Variants in TMCC2 observed in about 807,000 individuals in gnomAD.
TMCC2 encodes transmembrane and coiled-coil domains protein 2.
TMCC2 carries 16 observed loss-of-function variants against 49.4 expected under a neutral mutation model. The ratio of observed to expected loss-of-function variants is 0.32; its 90% CI spans 0.22 to 0.49. The LOEUF (loss-of-function observed/expected upper bound fraction) is 0.49. Ranked by LOEUF, TMCC2 falls within the 20% of genes least tolerant of loss-of-function variation. The pLI is 0.99. For synonymous variants in TMCC2, 397 were observed against 434.1 expected (o/e 0.91, Z 1.06); for missense variants, 762 against 989.8 (o/e 0.77, Z 3.09).
At position 205,228,594 on chromosome 1, in the gene TMCC2, G is replaced by A; in HGVS notation, c.30G>A (p.Gln10=). MKRCRSDEL[Q]QQQGEEDGAG... is the part of the protein sequence containing the mutation. ...AGAGGTGCAGATCGGACGAGCTGCA[G>A]CAACAACAGGGCGAGGAGGATGGAG... Residue 10 remains glutamine, a synonymous_variant, in exon 1 of 5, where the codon CAG becomes CAA. Coordinates refer to ENST00000358024, the MANE Select transcript of TMCC2 (RefSeq NM_014858.4). 6.2e-7 allele frequency: 1 copy of A among 1,611,874 alleles called. No homozygotes were observed. Among genetic ancestry groups the A allele is most frequent in the South Asian group, 1.1e-5 (1 of 91,010 alleles).
chr1:205,230,999 C>G (rs1414075935), intron 1 of TMCC2, among the ~76,000 whole-genome samples: 11 of 49,986 alleles, frequency 2.2e-4, no homozygotes, highest in African/African-American at 1.1e-3. Context: ...TCCCCCCATC[C>G]CCCCCCCCGC....
intron 2 of TMCC2, among the ~76,000 whole-genome samples, chr1:205,265,276 G>A (rs1484052450): frequency 6.6e-6 from 1 of 152,174 alleles, no homozygotes; most frequent in African/African-American, 2.4e-5. Flanking sequence ...TCATTAATGG[G>A]GATTTCACAG....
chr1:205,257,373 C>T (rs1469861028), intron 2 of TMCC2: 6 of 1,232,086 alleles, frequency 4.9e-6, no homozygotes, highest in Middle Eastern at 3.1e-4. Flanking sequence ...ACAGGTGAGG[C>T]GTCTGGTGGG....
At chr1:205,231,396 A>G (rs577658869) in intron 1 of TMCC2, among the ~76,000 whole-genome samples, 24 of 152,244 alleles carry the variant, frequency 1.6e-4, no homozygotes, top group African/African-American at 5.8e-4. Flanking sequence ...TCCCAGGCTC[A>G]AGTGACTCCC....
rs1424266620 is a variant in TMCC2 at position 205,271,196 on chromosome 1, C to G, written c.1759C>G (p.Leu587Val). The G allele has an allele frequency of 1.2e-6, 2 of 1,614,160 alleles. No individual in the cohort carries two copies. Among genetic ancestry groups the G allele is most frequent in the Non-Finnish European group, 1.7e-6 (2 of 1,180,052 alleles). ...CGAGATGACGAACCTGAAGCAGGAG[C>G]TGGCCAGCATGGAGGAGAAGGTGGC... The part of the protein sequence containing the change: ...QNEMTNLKQE[L>V]ASMEEKVAYQ... Residue 587 changes from leucine to valine, a missense_variant, in exon 4 of 5, where the codon CTG becomes GTG. Transcript: ENST00000358024.
In TMCC2 at chr1:205,241,179, T is replaced by G. The variant is rs1030365416; in HGVS notation, c.208-326T>G. On this transcript the variant is annotated intron_variant, in intron 1 of 4. Coordinates refer to ENST00000358024, the MANE Select transcript of TMCC2 (RefSeq NM_014858.4). This position sits in a 1 kb window ranked among gnomAD's most constrained non-coding sequence, Gnocchi z 7.3. The stretch of plus-strand genomic sequence containing the variant: ...GAGGGATACAACCCCATGAGCCAAG[T>G]GCTACCTGTGTATGCCATTAAGCCC... Among the ~76,000 whole-genome samples, 1 of 152,136 alleles carries G rather than the reference T, an allele frequency of 6.6e-6. No individual in the cohort carries two copies. Among genetic ancestry groups the G allele is most frequent in the African/African-American group, 2.4e-5 (1 of 41,438 alleles).
chr1:205,262,440 C>T (rs1661155384), intron 2 of TMCC2, among the ~76,000 whole-genome samples: 2 of 152,138 alleles, frequency 1.3e-5, no homozygotes, highest in South Asian at 2.1e-4. Flanking sequence ...CAGCCAGCTC[C>T]GACTCTGCTT....
At position 205,228,336 on chromosome 1, in the gene TMCC2, C is replaced by T. The variant is rs1452383837; in HGVS notation, c.-229C>T. On this transcript the variant is annotated 5_prime_UTR_variant, in exon 1 of 5. Transcript: ENST00000358024. ...GCCTCGACTGTGACCTGTCTTCGCTCCCCAGGTCGAAATGAACTATTCCAA... is the reference window on the plus strand; with the variant it reads ...GCCTCGACTGTGACCTGTCTTCGCTTCCCAGGTCGAAATGAACTATTCCAA... The T allele has an allele frequency of 1.1e-5, 5 of 453,424 alleles. No homozygotes were observed. The highest frequency in any genetic ancestry group is 9.7e-5 in the African/African-American group (5 of 51,620). 28.1% of individuals were successfully genotyped at this position (453,424 alleles called of 1,614,324 possible).
chr1:205,254,388 A>G (rs1171247168), intron 2 of TMCC2, among the ~76,000 whole-genome samples: 4 of 151,984 alleles, frequency 2.6e-5, no homozygotes, highest in Admixed American at 6.5e-5. Flanking sequence ...CCAGGGCTCT[A>G]CAGGGCCTTT....
intron 1 of TMCC2, among the ~76,000 whole-genome samples, chr1:205,237,559 C>T (rs1028587218): frequency 3.3e-5 from 5 of 152,220 alleles, no homozygotes; most frequent in African/African-American, 1.2e-4. Context: ...AACACACGTA[C>T]CTGTAAAAAT....
Position 205,271,172 on chromosome 1 carries a change from G to A in TMCC2, c.1735G>A (p.Glu579Lys). 4 of 1,613,976 alleles carry A rather than the reference G, an allele frequency of 2.5e-6. No individual in the cohort carries two copies. The highest frequency in any genetic ancestry group is 3.4e-6 in the Non-Finnish European group (4 of 1,180,044). Residue 579 changes from glutamate to lysine, a missense_variant, in exon 4 of 5, where the codon GAG becomes AAG. By Grantham distance (56) the Glu-to-Lys change is moderately conservative. Coordinates refer to ENST00000358024, the MANE Select transcript of TMCC2 (RefSeq NM_014858.4). ...CGACCTGACTGAGCTTCATCAGAAC[G>A]AGATGACGAACCTGAAGCAGGAGCT... ...LNDLTELHQN[E>K]MTNLKQELAS...
chr1:205,241,601 T>C lies in TMCC2; in HGVS notation c.304T>C (p.Ser102Pro), dbSNP rs767591396. ...RRSREREHQT[S>P]QDSQQHQQQQ... ...GTCTCGGGAAAGGGAGCACCAGACG[T>C]CTCAGGATTCCCAGCAGCATCAGCA... The change falls in exon 2 of 5, where the codon TCT becomes CCT. Residue 102 changes from serine (S) to proline (P), a missense_variant. Ser to Pro is a moderately conservative substitution (Grantham distance 74). Transcript: ENST00000358024. The surrounding 1 kb of genome is among the most constrained non-coding windows in gnomAD (Gnocchi z 7.3). 1.1e-5 allele frequency: 17 copies of C among 1,613,768 alleles called. No homozygotes were observed. Among genetic ancestry groups the C allele is most frequent in the Middle Eastern group, 1.7e-4 (1 of 6,060 alleles).
intron 2 of TMCC2, among the ~76,000 whole-genome samples, chr1:205,252,422 G>C (rs769033993): frequency 1.3e-5 from 2 of 152,224 alleles, no homozygotes; most frequent in Non-Finnish European, 2.9e-5. Flanking sequence ...ATGCCCACCT[G>C]GGTTGCTGCT....
chr1:205,267,989 A>G (rs1350111594), intron 2 of TMCC2: 4 of 985,252 alleles, frequency 4.1e-6, no homozygotes, highest in African/African-American at 1.7e-5. Context: ...ATTCTCGGAT[A>G]CTAGGAAGGA....
In TMCC2 at chr1:205,271,736, A is replaced by T. The variant is rs553306293; in HGVS notation, c.1819-77A>T. 1.6e-4 allele frequency: 246 copies of T among 1,529,504 alleles called. 1 individual carries two copies. The South Asian group carries it at 2.8e-3, about 18-fold the overall frequency. 94.7% of individuals were successfully genotyped at this position (1,529,504 alleles called of 1,614,324 possible). A position where few individuals can be genotyped will look rare whatever the true frequency, so the allele number is the denominator to read the frequency against. On this transcript the variant is annotated intron_variant, in intron 4 of 4. Coordinates refer to ENST00000358024, the MANE Select transcript of TMCC2 (RefSeq NM_014858.4). ...GAGACTTCGTTATAGGCACCTTCTC[A>T]GTGGGGTAGGTAGGTTTTCAGCCTA...
chr1:205,246,706 A>G lies in TMCC2; in HGVS notation c.747+4662A>G, dbSNP rs1444938763. 6.5e-6 allele frequency: 10 copies of G among 1,549,338 alleles called. No homozygotes were observed. In the Admixed American group the frequency reaches 2.0e-4, roughly 30 times the overall value. On this transcript the variant is annotated intron_variant, in intron 2 of 4. Transcript: ENST00000358024. ...ACCTCTCATGGGTGAGTCAATGAAT[A>G]CATTTTAAAAATCAAATTAGAAAAA...
chr1:205,272,368 G>A lies in TMCC2; in HGVS notation c.*244G>A, dbSNP rs1277344684. 2 of 673,546 alleles carry A rather than the reference G, an allele frequency of 3.0e-6. No homozygotes were observed. The highest frequency in any genetic ancestry group is 4.8e-6 in the Non-Finnish European group (2 of 414,234). 41.7% of individuals were successfully genotyped at this position (673,546 alleles called of 1,614,324 possible). A position where few individuals can be genotyped will look rare whatever the true frequency, so the allele number is the denominator to read the frequency against. On this transcript the variant is annotated 3_prime_UTR_variant, in exon 5 of 5. Transcript: ENST00000358024. ...GCACCTGTGGCCAAGTGGAGCAGAG[G>A]TGGACATGGGGTTGGATTGTTTTGA...
At chr1:205,235,396 T>C (rs1466486449) in intron 1 of TMCC2, among the ~76,000 whole-genome samples, 1 of 152,226 alleles carries the variant, frequency 6.6e-6, no homozygotes, top group Non-Finnish European at 1.5e-5. Context: ...TCTTTTTGTG[T>C]ATCTAATTAT....
intron 4 of TMCC2, 109 bp downstream of exon 4, chr1:205,271,364 T>G (rs750945653): frequency 6.3e-7 from 1 of 1,579,964 alleles, no homozygotes; most frequent in East Asian, 2.2e-5. Context: ...GGCTGGCCTG[T>G]TGGCCGGGGC....
Sources: gnomAD v4.1 joint callset for allele counts (sites outside exome capture counted in the v4.1 genomes callset) on GRCh38, gnomAD v4.1.1 for gene constraint, Gnocchi (gnomAD v3.1) non-coding constraint, MANE v1.5 for transcripts, NCBI Gene and HGNC (gene_info 2026-07-23, HGNC 2026-07-21) for gene names.